The following TM2D3 variants were observed in gnomAD, a reference collection of about 807,000 sequenced individuals.
TM2D3 encodes the protein TM2 domain-containing protein 3.
A neutral mutation model predicts 27.3 loss-of-function variants in TM2D3; 33 were observed. The ratio of observed to expected loss-of-function variants is 1.21; its 90% CI spans 0.92 to 1.61. TM2D3 has a LOEUF of 1.61. Among genes scored for constraint, TM2D3 ranks in the 40% most tolerant of loss-of-function variants. The pLI, the probability that TM2D3 is intolerant of heterozygous loss-of-function variation, is 0.00. For synonymous variants in TM2D3, 138 were observed against 122.2 expected, an observed-to-expected ratio of 1.13 and a Z score of -0.85; for missense variants, 364 against 320.8, an observed-to-expected ratio of 1.13 and a Z score of -1.03.
chr15:101,651,826 A>C, intron 1 of TM2D3, 53 bp from the exon 2 acceptor site: 1 of 1,599,392 alleles, frequency 6.3e-7, no homozygotes, highest in East Asian at 2.2e-5. Flanking sequence ...GGACAAGAAA[A>C]CCTTATTTTG....
chr15:101,652,033 A>C (rs1298209687), intron 1 of TM2D3: 5 of 564,854 alleles, frequency 8.9e-6, no homozygotes, highest in African/African-American at 2.0e-5. Flanking sequence ...CAAGCGCTCC[A>C]TCTCCGTGCC....
exon 5 of TM2D3, chr15:101,633,542 T>C: frequency 1.5e-6 from 1 of 677,028 alleles, no homozygotes; most frequent in Non-Finnish European, 2.4e-6. Context: ...GAATAAGCAG[T>C]TCCTATCAGA....
At chr15:101,638,521 C>T (rs1180781794), downstream of TM2D3, among the ~76,000 whole-genome samples, 1 of 152,156 alleles carries the variant, frequency 6.6e-6, no homozygotes, top group Non-Finnish European at 1.5e-5. Context: ...TGGTCTCGAA[C>T]TCCTAGCCTC....
downstream of TM2D3, among the ~76,000 whole-genome samples, chr15:101,638,549 C>T (rs1238753680): frequency 3.3e-5 from 5 of 152,138 alleles, no homozygotes; most frequent in African/African-American, 7.2e-5. Flanking sequence ...CTGCCCGCCT[C>T]GGACTCTCAA....
chr15:101,652,256 C>T lies in TM2D3; in HGVS notation c.91+15G>A. On this transcript the variant is annotated intron_variant, in intron 1 of 5. Coordinates refer to ENST00000333202, the MANE Select transcript of TM2D3 (RefSeq NM_078474.3). ...ACTCAGCCCCACCCGGCGCTGAACC[C>T]AGCCTTTGACTCACCACCGCCCGAC... The T allele has an allele frequency of 6.2e-7, 1 of 1,602,174 alleles. No homozygotes were observed. Among genetic ancestry groups the T allele is most frequent in the South Asian group, 1.1e-5 (1 of 90,464 alleles).
At chr15:101,651,378 G>A (rs1896963208) in intron 2 of TM2D3, 2 of 311,120 alleles carry the variant, frequency 6.4e-6, no homozygotes, top group South Asian at 7.4e-5. Flanking sequence ...GGTTTTAGCA[G>A]TAGAGGAAAT....
At chr15:101,646,238 C>A (rs970016321) in intron 4 of TM2D3, 1 of 156,362 alleles carries the variant, frequency 6.4e-6, no homozygotes, top group African/African-American at 2.4e-5. Flanking sequence ...CCCAGAAGAG[C>A]ACACAGCCTG....
intron 5 of TM2D3, among the ~76,000 whole-genome samples, chr15:101,644,868 A>G (rs112704932): frequency 5.9e-4 from 90 of 152,316 alleles, no homozygotes; most frequent in African/African-American, 2.0e-3. Context: ...TGGTAAACGT[A>G]ATGTGCAGGC....
intron 3 of TM2D3, 135 bp downstream of exon 3, chr15:101,649,869 T>C (rs1896923101): frequency 1.2e-6 from 1 of 829,312 alleles, no homozygotes; most frequent in South Asian, 1.7e-5. Flanking sequence ...TATTTCTGCT[T>C]ACATACTCAA....
chr15:101,651,877 CT>C (rs1221989235), intron 1 of TM2D3, 104 bp from the exon 2 acceptor site: 101 of 1,158,464 alleles, frequency 8.7e-5, no homozygotes, highest in Non-Finnish European at 1.2e-4. Context: ...CAATAAGCTG[CT>C]CATGAAAACC....
At position 101,633,795 on chromosome 15, in the gene TM2D3, T is replaced by C; in HGVS notation, c.501-67A>G. 4 of 1,329,330 alleles carry C rather than the reference T, an allele frequency of 3.0e-6. No individual in the cohort carries two copies. The South Asian group carries it at 5.7e-5, about 19-fold the overall frequency. The allele number at this position is 1,329,330 out of a possible 1,614,324, so 82.3% of individuals were successfully genotyped here. ...AGTTCTTATGACATAATATCCAACA[T>C]GTCCAGGAGACAATAAAAAATCCAT... is the stretch of plus-strand genomic sequence containing the variant. On this transcript the variant is annotated intron_variant, in intron 4 of 4. Transcript: ENST00000428002.
intron 4 of TM2D3, chr15:101,635,844 A>G (rs1236598613): frequency 6.6e-6 from 1 of 151,878 alleles, no homozygotes; most frequent in African/African-American, 2.4e-5. Context: ...CTTGGATTAT[A>G]TTTTCCTCAA....
At chr15:101,645,842 G>C (rs1396874652) in intron 4 of TM2D3, 1 of 150,262 alleles carries the variant, frequency 6.7e-6, no homozygotes, top group East Asian at 1.9e-4. Flanking sequence ...ATCTGGGAGA[G>C]GGTTTCAGGG....
At chr15:101,636,328 T>C (rs1343444162) in intron 4 of TM2D3, 2 of 152,200 alleles carry the variant, frequency 1.3e-5, no homozygotes, top group African/African-American at 2.4e-5. Flanking sequence ...AAGATACCCA[T>C]GCCACAATGA....
At chr15:101,639,726 A>G (rs1449084415), downstream of TM2D3, among the ~76,000 whole-genome samples, 2 of 152,158 alleles carry the variant, frequency 1.3e-5, no homozygotes, top group Non-Finnish European at 2.9e-5. Context: ...TCAGATCAAC[A>G]TGGTGTTACA....
At chr15:101,634,950 A>G (rs1896522740) in intron 4 of TM2D3, 1 of 152,196 alleles carries the variant, frequency 6.6e-6, no homozygotes, top group South Asian at 2.1e-4. Context: ...CTTGAGCCCA[A>G]GGGTTCAAGA....
intron 5 of TM2D3, among the ~76,000 whole-genome samples, chr15:101,643,599 TAAAAAAAAA>T (rs1158728522): frequency 1.1e-4 from 5 of 47,332 alleles, no homozygotes; most frequent in South Asian, 9.3e-4. Context: ...GAGACTCCGT[TAAAAAAAAA>T]AAAAAAAAAA....
At chr15:101,651,647 C>T (rs377328879) in intron 2 of TM2D3, 49 bp downstream of exon 2, 2 of 1,534,390 alleles carry the variant, frequency 1.3e-6, no homozygotes, top group East Asian at 4.5e-5. Flanking sequence ...CAAAGAGAAA[C>T]TACTAGAGAT....
At chr15:101,637,751 T>C (rs894204846), downstream of TM2D3, among the ~76,000 whole-genome samples, 1 of 152,172 alleles carries the variant, frequency 6.6e-6, no homozygotes, top group Non-Finnish European at 1.5e-5. Flanking sequence ...TTATTTATTT[T>C]TTTTAGAGAC....
Sources: gnomAD v4.1 joint callset for allele counts (sites outside exome capture counted in the v4.1 genomes callset) on GRCh38, gnomAD v4.1.1 for gene constraint, MANE v1.5 for transcripts, NCBI Gene and HGNC (gene_info 2026-07-23, HGNC 2026-07-21) for gene names.